Variants in LRRTM4 observed in about 807,000 individuals in gnomAD.
LRRTM4 encodes leucine rich repeat transmembrane neuronal 4.
A neutral mutation model predicts 47.6 loss-of-function variants in LRRTM4; 25 were observed. The ratio of observed to expected loss-of-function variants is 0.53; its 90% CI spans 0.38 to 0.73. The LOEUF is 0.73. Ranked by LOEUF, LRRTM4 falls within the 30% of genes least tolerant of loss-of-function variation. The probability of loss-of-function intolerance (pLI) is 0.00; values close to 1 mark genes in which losing one functional copy is unlikely to be tolerated. For missense variants in LRRTM4, 638 were observed against 713.4 expected (o/e 0.89, Z 1.20); for synonymous variants, 311 against 269.5 (o/e 1.15, Z -1.51).
At chr2:77,090,080 G>A (rs192969422) in intron 3 of LRRTM4, among the ~76,000 whole-genome samples, 6,117 of 152,100 alleles carry the variant, frequency 0.04, 131 homozygotes, top group South Asian at 0.081. Flanking sequence ...GGCTGAGCTA[G>A]GTCCCAATTC....
In LRRTM4 at chr2:77,318,880, T is replaced by G. The variant is rs527820797; in HGVS notation, c.1551+199438A>C. Among the ~76,000 whole-genome samples, 18 of 124,444 alleles carry G rather than the reference T, an allele frequency of 1.4e-4. 1 individual carries two copies. Among genetic ancestry groups the G allele is most frequent in the Admixed American group, 1.2e-3 (17 of 13,898 alleles). The allele number at this position is 124,444 out of a possible 152,430, so 81.6% of individuals were successfully genotyped here. A position where few individuals can be genotyped will look rare whatever the true frequency, so the allele number is the denominator to read the frequency against. ...GTTGTAGATTTTTTAAATACCTACTTGCTCTTTTTTTTTTATCTTGAAACA... is the reference window on the plus strand; with the variant it reads ...GTTGTAGATTTTTTAAATACCTACTGGCTCTTTTTTTTTTATCTTGAAACA... On this transcript the variant is annotated intron_variant, in intron 3 of 3. Coordinates refer to ENST00000409884, the MANE Select transcript of LRRTM4 (RefSeq NM_001134745.3).
chr2:77,174,014 A>G (rs1470202597), intron 3 of LRRTM4, among the ~76,000 whole-genome samples: 1 of 152,068 alleles, frequency 6.6e-6, no homozygotes, highest in Non-Finnish European at 1.5e-5. Flanking sequence ...TTAGCCTTGG[A>G]GTATCTTTTG....
chr2:76,863,761 G>C (rs1468285406), intron 3 of LRRTM4, among the ~76,000 whole-genome samples: 1 of 152,102 alleles, frequency 6.6e-6, no homozygotes, highest in African/African-American at 2.4e-5. Flanking sequence ...GAAAGTAATT[G>C]TTTTTTACAT....
intron 3 of LRRTM4, among the ~76,000 whole-genome samples, chr2:77,063,789 T>C (rs538416028): frequency 7.9e-5 from 12 of 152,298 alleles, no homozygotes; most frequent in Non-Finnish European, 1.6e-4. Context: ...TAAACTAAAA[T>C]TTTTGAATGT....
chr2:77,041,274 T>C (rs771350909), intron 3 of LRRTM4, among the ~76,000 whole-genome samples: 21 of 151,642 alleles, frequency 1.4e-4, no homozygotes, highest in Non-Finnish European at 2.5e-4. Flanking sequence ...TATGGCCAAA[T>C]AGTATTTTAT....
intron 3 of LRRTM4, among the ~76,000 whole-genome samples, chr2:77,418,185 T>G (rs1674723631): frequency 6.6e-6 from 1 of 152,156 alleles, no homozygotes; most frequent in African/African-American, 2.4e-5. Context: ...ATATTTTTTT[T>G]GAGCACAGAT....
chr2:77,345,929 T>C (rs1671544172), intron 3 of LRRTM4, among the ~76,000 whole-genome samples: 1 of 151,832 alleles, frequency 6.6e-6, no homozygotes, highest in Admixed American at 6.6e-5. Context: ...AGCAGTTATA[T>C]TTAAAATCAT....
intron 3 of LRRTM4, among the ~76,000 whole-genome samples, chr2:76,795,253 T>C (rs1310580869): frequency 1.4e-5 from 2 of 143,610 alleles, no homozygotes; most frequent in East Asian, 2.3e-4. Flanking sequence ...TTAAAAATCA[T>C]TTTTAATTGA....
chr2:77,246,669 A>T (rs931504342), intron 3 of LRRTM4, among the ~76,000 whole-genome samples: 2 of 152,038 alleles, frequency 1.3e-5, no homozygotes, highest in Non-Finnish European at 2.9e-5. Context: ...AATCCAGCTG[A>T]AATTCCCTGC....
chr2:76,803,516 C>T (rs1675810788), intron 3 of LRRTM4, among the ~76,000 whole-genome samples: 1 of 151,916 alleles, frequency 6.6e-6, no homozygotes, highest in South Asian at 2.1e-4. Context: ...ATCAGTATAG[C>T]CAATGTGTAA....
chr2:77,062,955 C>CT lies in LRRTM4; in HGVS notation c.1552-314040dup, dbSNP rs10706500. On this transcript the variant is annotated intron_variant, in intron 3 of 3. Transcript: ENST00000409884. ...TGTTCTTTTTTAAAATTATTATTAT[C>CT]TTTTTTTTTTTTTTTTTGAGACAGA... 7.8e-4 allele frequency among the ~76,000 whole-genome samples: 85 copies of CT among 108,366 alleles called. 1 individual carries two copies. Among genetic ancestry groups the CT allele is most frequent in the East Asian group, 3.2e-3 (13 of 4,122 alleles). 71.1% of individuals were successfully genotyped at this position (108,366 alleles called of 152,430 possible).
At chr2:77,096,516 TAATAA>T (rs1360963735) in intron 3 of LRRTM4, among the ~76,000 whole-genome samples, 9 of 151,394 alleles carry the variant, frequency 5.9e-5, no homozygotes, top group Non-Finnish European at 7.4e-5. Context: ...TACAAAACAA[TAATAA>T]AATGTCTATA....
intron 3 of LRRTM4, among the ~76,000 whole-genome samples, chr2:76,838,515 T>G (rs1671582094): frequency 6.6e-6 from 1 of 152,104 alleles, no homozygotes. Context: ...TCTGATTTTG[T>G]TATCTCAAAT....
intron 3 of LRRTM4, among the ~76,000 whole-genome samples, chr2:76,824,218 C>T (rs747127170): frequency 2.0e-5 from 3 of 151,490 alleles, no homozygotes; most frequent in Non-Finnish European, 3.0e-5. Flanking sequence ...CAATGGAAAG[C>T]GTGTTTGCCT....
At chr2:77,018,259 C>CTTTTTTATTTTTTTTT in intron 3 of LRRTM4, among the ~76,000 whole-genome samples, 1 of 75,036 alleles carries the variant, frequency 1.3e-5, no homozygotes, top group Non-Finnish European at 2.4e-5. Context: ...CTCTTGATTG[C>CTTTTTTATTTTTTTTT]TTTTTTTTTT....
intron 3 of LRRTM4, among the ~76,000 whole-genome samples, chr2:76,869,966 G>A (rs1672576577): frequency 6.6e-6 from 1 of 152,112 alleles, no homozygotes; most frequent in Admixed American, 6.6e-5. Flanking sequence ...GACAGTAAGT[G>A]AGACACTACA....
At chr2:76,891,728 A>G (rs1673261144) in intron 3 of LRRTM4, among the ~76,000 whole-genome samples, 1 of 151,806 alleles carries the variant, frequency 6.6e-6, no homozygotes, top group African/African-American at 2.4e-5. Flanking sequence ...AATGAAAAAG[A>G]TATCTAAACA....
intron 3 of LRRTM4, among the ~76,000 whole-genome samples, chr2:77,278,777 G>A (rs1446249180): frequency 6.6e-6 from 1 of 151,742 alleles, no homozygotes; most frequent in East Asian, 1.9e-4. Context: ...TATACCATGT[G>A]GACTCTACCA....
At chr2:77,341,590 A>G (rs192635) in intron 3 of LRRTM4, among the ~76,000 whole-genome samples, 4,493 of 152,176 alleles carry the variant, frequency 0.03, 83 homozygotes, top group South Asian at 0.08. Context: ...GACAAGAACC[A>G]CGCATGCTGC....
Sources: gnomAD v4.1 joint callset for allele counts (sites outside exome capture counted in the v4.1 genomes callset) on GRCh38, gnomAD v4.1.1 for gene constraint, MANE v1.5 for transcripts, NCBI Gene and HGNC (gene_info 2026-07-23, HGNC 2026-07-21) for gene names.